The following CTNNA2 variants were observed in gnomAD, a reference collection of about 807,000 sequenced individuals.
CTNNA2 encodes the protein catenin alpha 2, also known as catenin alpha-2.
A neutral mutation model predicts 101.0 loss-of-function variants in CTNNA2; 42 were observed. That is an observed-to-expected ratio of 0.42 (90% CI 0.32 to 0.54). The LOEUF is 0.54. Among genes scored for constraint, CTNNA2 ranks in the 20% least tolerant of loss-of-function variants. The pLI, the probability that CTNNA2 is intolerant of heterozygous loss-of-function variation, is 0.14. For missense variants in CTNNA2, 871 were observed against 1,223.1 expected, an observed-to-expected ratio of 0.71 and a Z score of 4.29; for synonymous variants, 450 against 456.4, an observed-to-expected ratio of 0.99 and a Z score of 0.18.
intron 7 of CTNNA2, among the ~76,000 whole-genome samples, chr2:80,128,417 C>T (rs1702249202): frequency 6.6e-6 from 1 of 152,118 alleles, no homozygotes; most frequent in Non-Finnish European, 1.5e-5. Context: ...TCTGTGAGCT[C>T]AGTCTAGTCC....
At chr2:80,359,245 A>C (rs1055801769) in intron 7 of CTNNA2, among the ~76,000 whole-genome samples, 4 of 152,128 alleles carry the variant, frequency 2.6e-5, no homozygotes, top group African/African-American at 9.7e-5. Context: ...AATTCCTTCT[A>C]TCCATCCATA....
intron 7 of CTNNA2, among the ~76,000 whole-genome samples, chr2:79,912,787 G>A (rs1263516437): frequency 2.0e-5 from 3 of 152,302 alleles, no homozygotes; most frequent in East Asian, 1.9e-4. Flanking sequence ...GATGAGTGCC[G>A]TCAGTGTGGT....
chr2:80,398,485 T>G (rs1424568859), intron 8 of CTNNA2, among the ~76,000 whole-genome samples: 1 of 151,990 alleles, frequency 6.6e-6, no homozygotes, highest in African/African-American at 2.4e-5. Context: ...TGTGGAAACA[T>G]GGAGATCAGA....
At chr2:79,212,796 G>C in intron 2 of CTNNA2, among the ~76,000 whole-genome samples, 1 of 152,188 alleles carries the variant, frequency 6.6e-6, no homozygotes, top group East Asian at 1.9e-4. Flanking sequence ...CGGGGCATGT[G>C]AGTAAAGCTA....
intron 2 of CTNNA2, among the ~76,000 whole-genome samples, chr2:79,203,803 T>C (rs760467365): frequency 6.6e-6 from 1 of 152,222 alleles, no homozygotes; most frequent in Non-Finnish European, 1.5e-5. Flanking sequence ...CATCAAAGGA[T>C]AGCAGTTGAT....
intron 1 of CTNNA2, among the ~76,000 whole-genome samples, chr2:79,638,323 A>G (rs558170922): frequency 6.6e-6 from 1 of 152,332 alleles, no homozygotes; most frequent in African/African-American, 2.4e-5. Context: ...TAAATACAAA[A>G]TTAAATCCCA....
rs541764315 is a variant in CTNNA2 at position 80,187,007 on chromosome 2, G to A, written c.1057-206204G>A. Among the ~76,000 whole-genome samples the A allele has an allele frequency of 5.9e-5, 9 of 152,322 alleles. No individual in the cohort carries two copies. The East Asian group carries it at 1.7e-3, about 29-fold the overall frequency. On this transcript the variant is annotated intron_variant, in intron 7 of 18. Coordinates refer to ENST00000402739, the MANE Select transcript of CTNNA2 (RefSeq NM_001282597.3). ...ATATTAAACACCTTGGTGAATTATG[G>A]TGCTTGCTCCAGCTGCTTTTAAAAA...
intron 8 of CTNNA2, among the ~76,000 whole-genome samples, chr2:80,408,115 C>T (rs1204573297): frequency 6.6e-6 from 1 of 152,226 alleles, no homozygotes; most frequent in Non-Finnish European, 1.5e-5. Context: ...ACCCATCCCA[C>T]TCCAGTGAAC....
chr2:79,517,303 A>G (rs1319213831), intron 1 of CTNNA2, among the ~76,000 whole-genome samples: 2 of 152,230 alleles, frequency 1.3e-5, no homozygotes, highest in African/African-American at 4.8e-5. Flanking sequence ...AGTTTGAAGT[A>G]TCAGTATTTA....
intron 3 of CTNNA2, among the ~76,000 whole-genome samples, chr2:79,847,778 C>T (rs1680356287): frequency 6.6e-6 from 1 of 152,060 alleles, no homozygotes; most frequent in East Asian, 1.9e-4. Flanking sequence ...ATCAAGATGT[C>T]CTTTACATAT....
intron 1 of CTNNA2, chr2:79,548,155 A>G (rs10165117): frequency 7.9e-5 from 12 of 152,318 alleles, no homozygotes; most frequent in Non-Finnish European, 1.6e-4. Context: ...TGTTACTGAC[A>G]TAGTTTGCCT....
At chr2:80,565,044 ATAATT>A (rs111524095) in intron 12 of CTNNA2, among the ~76,000 whole-genome samples, 10 of 152,338 alleles carry the variant, frequency 6.6e-5, no homozygotes, top group African/African-American at 2.4e-4. Flanking sequence ...TGTAAATTAA[ATAATT>A]AAAGTGGTGT....
At chr2:79,895,517 G>T (rs115398745) in intron 6 of CTNNA2, among the ~76,000 whole-genome samples, 1 of 152,000 alleles carries the variant, frequency 6.6e-6, no homozygotes, top group Admixed American at 6.6e-5. Context: ...AATATGAATT[G>T]ACTTTCCGTT....
intron 2 of CTNNA2, among the ~76,000 whole-genome samples, chr2:79,289,692 C>G (rs1014440745): frequency 5.9e-5 from 9 of 152,158 alleles, no homozygotes; most frequent in African/African-American, 2.2e-4. Context: ...TTGCAGTGAG[C>G]TGAGATTGCG....
At chr2:80,293,445 G>A (rs575554043) in intron 7 of CTNNA2, among the ~76,000 whole-genome samples, 6 of 152,316 alleles carry the variant, frequency 3.9e-5, no homozygotes, top group African/African-American at 1.4e-4. Flanking sequence ...TTTGGTTTAA[G>A]GAGGTAAAAT....
At chr2:79,208,311 T>C (rs1674126990) in intron 2 of CTNNA2, among the ~76,000 whole-genome samples, 1 of 152,170 alleles carries the variant, frequency 6.6e-6, no homozygotes, top group Non-Finnish European at 1.5e-5. Flanking sequence ...TTGAAACATA[T>C]GTCAAGATTC....
intron 7 of CTNNA2, among the ~76,000 whole-genome samples, chr2:79,990,488 C>T (rs1692094227): frequency 6.6e-6 from 1 of 152,102 alleles, no homozygotes; most frequent in African/African-American, 2.4e-5. Context: ...ACAATAGATG[C>T]TCAAAATCCC....
intron 9 of CTNNA2, among the ~76,000 whole-genome samples, chr2:80,500,143 G>T (rs920778136): frequency 6.6e-6 from 1 of 152,056 alleles, no homozygotes; most frequent in African/African-American, 2.4e-5. Context: ...ATATTATGCA[G>T]CCCAGAAGAA....
intron 7 of CTNNA2, among the ~76,000 whole-genome samples, chr2:79,964,619 G>C (rs1308087922): frequency 3.3e-5 from 5 of 152,168 alleles, no homozygotes; most frequent in Non-Finnish European, 7.3e-5. Context: ...TAATGAATTA[G>C]AGAGAGGTAA....
Sources: allele counts gnomAD v4.1 joint callset (sites outside exome capture counted in the v4.1 genomes callset), GRCh38; gene constraint gnomAD v4.1.1; transcripts MANE v1.5; gene names NCBI Gene and HGNC (gene_info 2026-07-23, HGNC 2026-07-21).